HNF1B: variants seen among roughly 807,000 people sequenced by gnomAD.
The protein encoded by HNF1B is hepatocyte nuclear factor 1-beta.
Under a neutral mutation model 61.7 loss-of-function variants are expected in HNF1B, and 8 were observed. That is an observed-to-expected ratio of 0.13 (90% CI 0.08 to 0.23). The LOEUF (loss-of-function observed/expected upper bound fraction) is 0.23. HNF1B is among the 10% of genes least tolerant of loss of function. HNF1B has a pLI of 1.00. For missense variants in HNF1B, 562 were observed against 714.5 expected (o/e 0.79, Z 2.43); for synonymous variants, 314 against 287.7 (o/e 1.09, Z -0.93).
intron 4 of HNF1B, chr17:37,729,107 C>G (rs1269948183): frequency 6.6e-6 from 1 of 152,170 alleles, no homozygotes; most frequent in African/African-American, 2.4e-5. Flanking sequence ...TGTGGAAGGT[C>G]CTATTTCTCC....
At chr17:37,733,908 C>T in intron 2 of HNF1B, 87 bp from the exon 3 acceptor site, 7 of 1,467,678 alleles carry the variant, frequency 4.8e-6, no homozygotes, top group East Asian at 2.3e-5. Flanking sequence ...CGGACGAAGA[C>T]ACCTTTATTC....
chr17:37,737,072 G>A (rs932049405), intron 2 of HNF1B, among the ~76,000 whole-genome samples: 1 of 152,164 alleles, frequency 6.6e-6, no homozygotes, highest in Non-Finnish European at 1.5e-5. Context: ...AGGGGCCCAT[G>A]AATATTACCA....
chr17:37,739,675 G>C (rs1240901476), intron 1 of HNF1B, 36 bp from the exon 2 acceptor site: 1 of 1,525,220 alleles, frequency 6.6e-7, no homozygotes, highest in Non-Finnish European at 9.0e-7. Flanking sequence ...GTACTAGTGG[G>C]AGACATCTGG....
chr17:37,737,689 G>C (rs955000845), intron 2 of HNF1B, among the ~76,000 whole-genome samples: 18 of 148,142 alleles, frequency 1.2e-4, no homozygotes, highest in Non-Finnish European at 2.1e-4. Context: ...AAAAAAATTA[G>C]CCAGGTGTGG....
At chr17:37,716,994 T>C (rs1316088089) in intron 4 of HNF1B, among the ~76,000 whole-genome samples, 1 of 152,124 alleles carries the variant, frequency 6.6e-6, no homozygotes, top group Non-Finnish European at 1.5e-5. Context: ...GAATAATGAA[T>C]GAATAAAATA....
intron 6 of HNF1B, 138 bp downstream of exon 6, chr17:37,704,779 G>T: frequency 1.0e-6 from 1 of 962,566 alleles, no homozygotes; most frequent in East Asian, 2.4e-5. Flanking sequence ...AGACAGATGA[G>T]AAACTAAAGA....
chr17:37,701,580 A>G (rs1278648920), intron 6 of HNF1B, among the ~76,000 whole-genome samples: 1 of 152,214 alleles, frequency 6.6e-6, no homozygotes, highest in Non-Finnish European at 1.5e-5. Context: ...ACTGAGGCAC[A>G]GGTTATTGCC....
intron 4 of HNF1B, chr17:37,729,866 A>G (rs535232804): frequency 7.0e-6 from 1 of 142,368 alleles, no homozygotes; most frequent in Non-Finnish European, 1.5e-5. Flanking sequence ...CAAGATTTTT[A>G]GAAAGATCCA....
intron 4 of HNF1B, among the ~76,000 whole-genome samples, chr17:37,712,448 T>G (rs2032966523): frequency 6.6e-6 from 1 of 152,186 alleles, no homozygotes; most frequent in Admixed American, 6.5e-5. Context: ...AAATGAGGCC[T>G]TCTTTCTTCA....
chr17:37,708,450 G>T (rs1029055567), intron 5 of HNF1B, among the ~76,000 whole-genome samples: 1 of 152,202 alleles, frequency 6.6e-6, no homozygotes, highest in African/African-American at 2.4e-5. Flanking sequence ...TCCACAGGCT[G>T]CATTTAGAGC....
At chr17:37,741,007 A>G (rs1339864325) in intron 1 of HNF1B, among the ~76,000 whole-genome samples, 1 of 152,220 alleles carries the variant, frequency 6.6e-6, no homozygotes, top group Non-Finnish European at 1.5e-5. Context: ...TTTACTATTT[A>G]TTTAATGCAG....
intron 4 of HNF1B, among the ~76,000 whole-genome samples, chr17:37,721,431 T>A (rs1200450944): frequency 6.6e-6 from 1 of 152,112 alleles, no homozygotes; most frequent in Non-Finnish European, 1.5e-5. Context: ...GCCCCAAGAC[T>A]GGATGCCACA....
rs940351658 is a variant in HNF1B at position 37,690,413 on chromosome 17, G to T, written c.1654-3021C>A. On this transcript the variant is annotated intron_variant, in intron 8 of 8. Coordinates refer to ENST00000617811, the MANE Select transcript of HNF1B (RefSeq NM_000458.4). ...AAGCTATTGGAGAGTTTTGACAGGGGATTGACATGCTTGATGTCTCTTTGT... is the reference window on the plus strand; with the variant it reads ...AAGCTATTGGAGAGTTTTGACAGGGTATTGACATGCTTGATGTCTCTTTGT... Among the ~76,000 whole-genome samples, 8 of 152,330 alleles carry T rather than the reference G, an allele frequency of 5.3e-5. No individual in the cohort carries two copies. In the South Asian group the frequency reaches 8.3e-4, roughly 16 times the overall value.
At chr17:37,714,615 C>T (rs1028974695) in intron 4 of HNF1B, among the ~76,000 whole-genome samples, 1 of 152,192 alleles carries the variant, frequency 6.6e-6, no homozygotes, top group Non-Finnish European at 1.5e-5. Context: ...GTTGAGACAT[C>T]CCTGAGGCCC....
chr17:37,704,347 A>G (rs2032669923), intron 6 of HNF1B, among the ~76,000 whole-genome samples: 1 of 152,194 alleles, frequency 6.6e-6, no homozygotes, highest in South Asian at 2.1e-4. Context: ...CAAAGCTCTC[A>G]GATACAATGG....
intron 1 of HNF1B, among the ~76,000 whole-genome samples, chr17:37,739,963 T>C (rs894203533): frequency 6.6e-6 from 1 of 150,874 alleles, no homozygotes; most frequent in Non-Finnish European, 1.5e-5. Flanking sequence ...AATTAATTAA[T>C]TTATTTATTA....
chr17:37,740,655 C>T (rs372248550), intron 1 of HNF1B, among the ~76,000 whole-genome samples: 190 of 151,830 alleles, frequency 1.3e-3, no homozygotes, highest in African/African-American at 4.4e-3. Flanking sequence ...AAAAAATCCA[C>T]AGCTCCACCT....
intron 3 of HNF1B, among the ~76,000 whole-genome samples, chr17:37,733,177 C>T (rs1027013363): frequency 3.3e-5 from 5 of 152,170 alleles, no homozygotes; most frequent in Non-Finnish European, 4.4e-5. Context: ...CACACAATTT[C>T]GCTTCCCAAG....
intron 4 of HNF1B, among the ~76,000 whole-genome samples, chr17:37,723,261 G>A (rs1006271990): frequency 2.0e-5 from 3 of 151,908 alleles, no homozygotes; most frequent in African/African-American, 4.8e-5. Flanking sequence ...GCCGGAGAAT[G>A]GCGTGAACCC....
Sources: gnomAD v4.1 joint callset for allele counts (sites outside exome capture counted in the v4.1 genomes callset) on GRCh38, gnomAD v4.1.1 for gene constraint, MANE v1.5 for transcripts, NCBI Gene and HGNC (gene_info 2026-07-23, HGNC 2026-07-21) for gene names.